Variants in BET1 observed in about 807,000 individuals in gnomAD.
The protein encoded by BET1 is Bet1 golgi vesicular membrane trafficking protein, also known as BET1 homolog.
In BET1, 9 loss-of-function variants were observed where a neutral mutation model predicts 13.9. The ratio of observed to expected loss-of-function variants is 0.65; its 90% CI spans 0.39 to 1.13. BET1 has a LOEUF of 1.13. BET1 is among the 50% of genes most tolerant of loss of function. The probability of loss-of-function intolerance (pLI) is 0.01; values close to 1 mark genes in which losing one functional copy is unlikely to be tolerated. For missense variants in BET1, 127 were observed against 133.6 expected (o/e 0.95, Z 0.24); for synonymous variants, 39 against 47.3 (o/e 0.82, Z 0.72).
At chr7:93,988,053 A>G (rs1795560164) in intron 4 of BET1, among the ~76,000 whole-genome samples, 1 of 152,216 alleles carries the variant, frequency 6.6e-6, no homozygotes, top group Admixed American at 6.5e-5. Flanking sequence ...TATTTTTATT[A>G]GGGGCCTTTT....
At chr7:93,997,247 G>A (rs1795791486) in intron 2 of BET1, among the ~76,000 whole-genome samples, 1 of 151,992 alleles carries the variant, frequency 6.6e-6, no homozygotes, top group South Asian at 2.1e-4. Context: ...AAAGCACATG[G>A]GATAATACTG....
chr7:93,993,672 A>G lies in BET1; in HGVS notation c.*558T>C, dbSNP rs1795689090. ...TTTAAAGAATGAGGTCTTTGGGCAG[A>G]AAGAAATGAGGGGTCATTATCATCA... On this transcript the variant is annotated 3_prime_UTR_variant, in exon 4 of 4. Transcript: ENST00000222547. 2.3e-6 allele frequency: 3 copies of G among 1,325,402 alleles called. No individual in the cohort carries two copies. Among genetic ancestry groups the G allele is most frequent in the Non-Finnish European group, 1.9e-6 (2 of 1,043,868 alleles). 82.1% of individuals were successfully genotyped at this position (1,325,402 alleles called of 1,614,324 possible).
chr7:93,976,343 A>AC (rs1167247753), intron 4 of BET1, among the ~76,000 whole-genome samples: 1 of 116,680 alleles, frequency 8.6e-6, no homozygotes, highest in East Asian at 2.9e-4. Context: ...ATATCTACTT[A>AC]TTGTGTGTGT....
chr7:94,004,167 C>A, intron 1 of BET1, 31 bp downstream of exon 1: 1 of 1,613,950 alleles, frequency 6.2e-7, no homozygotes, highest in Non-Finnish European at 8.5e-7. Context: ...GTTCTAGGGC[C>A]CCGAACTTCG....
chr7:93,987,916 TAAG>T (rs1339958973), intron 4 of BET1, among the ~76,000 whole-genome samples: 1 of 152,184 alleles, frequency 6.6e-6, no homozygotes, highest in African/African-American at 2.4e-5. Context: ...GCGAAAATCA[TAAG>T]AAGAATTTTA....
At chr7:93,981,545 AC>A (rs1203437402) in intron 4 of BET1, among the ~76,000 whole-genome samples, 1 of 152,178 alleles carries the variant, frequency 6.6e-6, no homozygotes, top group East Asian at 1.9e-4. Context: ...AAGAAAGGGG[AC>A]CAAAATGCAA....
intron 4 of BET1, among the ~76,000 whole-genome samples, chr7:93,986,283 T>C (rs1397199997): frequency 6.6e-6 from 1 of 152,176 alleles, no homozygotes; most frequent in Non-Finnish European, 1.5e-5. Flanking sequence ...GGGAATAGAC[T>C]GGAAAGTTTT....
rs916943724 is a variant in BET1, at chr7:93,996,078, G to A, written c.201+187C>T. On this transcript the variant is annotated intron_variant, in intron 3 of 3. Coordinates refer to ENST00000222547, the MANE Select transcript of BET1 (RefSeq NM_005868.6). ...CCACTTGTTCCTCCCACTTACATGC[G>A]TAAGACGAGATGAAAAATGCAAAAG... 37 of 549,092 alleles carry A rather than the reference G, an allele frequency of 6.7e-5. No individual in the cohort carries two copies. In the Admixed American group the frequency reaches 7.1e-4, roughly 11 times the overall value. The allele number at this position is 549,092 out of a possible 1,614,324, so 34.0% of individuals were successfully genotyped here.
chr7:93,971,934 C>T (rs1795264097), intron 6 of BET1, among the ~76,000 whole-genome samples: 1 of 146,526 alleles, frequency 6.8e-6, no homozygotes, highest in African/African-American at 2.6e-5. Flanking sequence ...AAACTGCAAG[C>T]TTAAAAAAAA....
At chr7:93,976,236 G>C (rs970771711) in intron 4 of BET1, 6 of 599,136 alleles carry the variant, frequency 1.0e-5, no homozygotes, top group African/African-American at 7.7e-5. Context: ...TTAATGGAAG[G>C]CTTATGTGAT....
At position 93,993,736 on chromosome 7, in the gene BET1, C is replaced by T. The variant is rs1562806212; in HGVS notation, c.*494G>A. On this transcript the variant is annotated 3_prime_UTR_variant, in exon 4 of 4. Coordinates refer to ENST00000222547, the MANE Select transcript of BET1 (RefSeq NM_005868.6). Reference sequence around the variant, plus strand: ...AGATTGTAGGTAAAAAGAAATCAGCCTACAATTTTAACTAAATAAAGGAGG... The same window carrying T: ...AGATTGTAGGTAAAAAGAAATCAGCTTACAATTTTAACTAAATAAAGGAGG... The T allele has an allele frequency of 1.5e-6, 2 of 1,343,024 alleles. No homozygotes were observed. The highest frequency in any genetic ancestry group is 2.9e-5 in the East Asian group (1 of 34,918). 83.2% of individuals were successfully genotyped at this position (1,343,024 alleles called of 1,614,324 possible). A position where few individuals can be genotyped will look rare whatever the true frequency, so the allele number is the denominator to read the frequency against.
intron 3 of BET1, among the ~76,000 whole-genome samples, chr7:93,995,135 C>T (rs948355506): frequency 1.3e-5 from 2 of 152,196 alleles, no homozygotes; most frequent in African/African-American, 2.4e-5. Flanking sequence ...CGTGAGCTAC[C>T]ATGCTAGGCC....
intron 4 of BET1, among the ~76,000 whole-genome samples, chr7:93,987,549 G>A (rs1030730563): frequency 6.6e-6 from 1 of 152,112 alleles, no homozygotes; most frequent in African/African-American, 2.4e-5. Context: ...CTAGGTGGGG[G>A]AGAGTTCTAC....
intron 6 of BET1, among the ~76,000 whole-genome samples, chr7:93,966,925 C>A (rs2116013933): frequency 6.6e-6 from 1 of 151,908 alleles, no homozygotes; most frequent in East Asian, 1.9e-4. Context: ...GTTTCTTATG[C>A]TTCTAAATAT....
chr7:93,974,879 T>C (rs1795312685), intron 5 of BET1, among the ~76,000 whole-genome samples: 1 of 152,092 alleles, frequency 6.6e-6, no homozygotes, highest in Admixed American at 6.6e-5. Flanking sequence ...ACACCACTTT[T>C]AGAAAGTGAT....
chr7:93,966,517 T>A (rs1235418378), intron 6 of BET1, among the ~76,000 whole-genome samples: 4 of 151,916 alleles, frequency 2.6e-5, no homozygotes, highest in Non-Finnish European at 4.4e-5. Flanking sequence ...CATTTCCTTT[T>A]CTAGTGCTTG....
chr7:93,964,615 A>T (rs1419511755), exon 7 of BET1: 1 of 152,030 alleles, frequency 6.6e-6, no homozygotes, highest in African/African-American at 2.4e-5. Context: ...AGGAACTTAA[A>T]TCGATACGCA....
rs917247580 is a variant in BET1 at position 93,974,314 on chromosome 7, T to C, written c.*48+1590A>G. On this transcript the variant is annotated intron_variant and NMD_transcript_variant, in intron 5 of 6. Coordinates refer to the BET1 transcript ENST00000357520. Reference sequence around the variant, plus strand: ...ACTAAAAGTAGTGACACTCTGTTAGTAGTAAGCACACCTGTCACCCAGATT... The same window carrying C: ...ACTAAAAGTAGTGACACTCTGTTAGCAGTAAGCACACCTGTCACCCAGATT... Among the ~76,000 whole-genome samples, 3 of 152,102 alleles carry C rather than the reference T, an allele frequency of 2.0e-5. No individual in the cohort carries two copies. In the East Asian group the frequency reaches 5.8e-4, roughly 30 times the overall value.
At chr7:93,966,332 T>C (rs1409073726) in intron 6 of BET1, among the ~76,000 whole-genome samples, 1 of 152,008 alleles carries the variant, frequency 6.6e-6, no homozygotes, top group Non-Finnish European at 1.5e-5. Flanking sequence ...AACTGAGAGA[T>C]GCATGTTTTT....
Sources: allele counts gnomAD v4.1 joint callset (sites outside exome capture counted in the v4.1 genomes callset), GRCh38; gene constraint gnomAD v4.1.1; transcripts MANE v1.5; gene names NCBI Gene and HGNC (gene_info 2026-07-23, HGNC 2026-07-21).